Variants in NEDD4L observed in about 807,000 individuals in gnomAD.
The protein encoded by NEDD4L is E3 ubiquitin-protein ligase NEDD4-like.
In NEDD4L, 54 loss-of-function variants were observed where a neutral mutation model predicts 148.9. That is an observed-to-expected ratio of 0.36 (90% CI 0.29 to 0.45). The LOEUF is 0.45. Ranked by LOEUF, NEDD4L falls within the 20% of genes least tolerant of loss-of-function variation. NEDD4L has a pLI of 1.00. For missense variants in NEDD4L, 856 were observed against 1,233.8 expected (o/e 0.69, Z 4.59); for synonymous variants, 433 against 440.7 (o/e 0.98, Z 0.22).
intron 5 of NEDD4L, among the ~76,000 whole-genome samples, chr18:58,269,814 T>G (rs2050766767): frequency 1.3e-5 from 2 of 152,148 alleles, no homozygotes; most frequent in Non-Finnish European, 2.9e-5. Flanking sequence ...AAATCTATAT[T>G]GTGTTCACAT....
intron 30 of NEDD4L, among the ~76,000 whole-genome samples, chr18:58,393,566 A>T (rs2050104674): frequency 6.6e-6 from 1 of 152,202 alleles, no homozygotes; most frequent in Admixed American, 6.5e-5. Flanking sequence ...CCCCAGACTA[A>T]CTTGACCCGG....
At chr18:58,331,173 C>T (rs1399539411) in intron 11 of NEDD4L, among the ~76,000 whole-genome samples, 1 of 152,136 alleles carries the variant, frequency 6.6e-6, no homozygotes, top group Non-Finnish European at 1.5e-5. Flanking sequence ...ATAAAGAACT[C>T]AAAGAAGTAA....
At chr18:58,388,905 T>G (rs891118249) in intron 27 of NEDD4L, 180 bp from the exon 28 acceptor site, 1 of 620,076 alleles carries the variant, frequency 1.6e-6, no homozygotes, top group Non-Finnish European at 3.0e-6. Flanking sequence ...CTGCTGCCTC[T>G]GTGATCTGCT....
Position 58,210,527 on chromosome 18 carries a change from C to A in NEDD4L, c.123-34900C>A, listed in dbSNP as rs148028727. On this transcript the variant is annotated intron_variant, in intron 2 of 30. Coordinates refer to ENST00000400345, the MANE Select transcript of NEDD4L (RefSeq NM_001144967.3). ...GCAACGGTGCGATCTCGGCTCACTG[C>A]AACCTCCGCCTCCCAGGTTCAGGTG... 1.9e-3 allele frequency among the ~76,000 whole-genome samples: 296 copies of A among 152,298 alleles called. 8 individuals carry two copies. The East Asian group carries it at 0.049, about 25-fold the overall frequency.
intron 1 of NEDD4L, among the ~76,000 whole-genome samples, chr18:58,094,110 CCTT>C (rs1266439248): frequency 6.6e-6 from 1 of 152,122 alleles, no homozygotes; most frequent in East Asian, 1.9e-4. Context: ...CTTGCAAAGT[CCTT>C]CTCATCTGCC....
Position 58,256,177 on chromosome 18 carries a change from C to A in NEDD4L, c.297+4123C>A. Reference sequence around the variant, plus strand: ...GCCGCCGCGTGCGGTGCTCCGGCCCCGTGGACTGCGCGGAGGAGGCTGCCC... The same window carrying A: ...GCCGCCGCGTGCGGTGCTCCGGCCCAGTGGACTGCGCGGAGGAGGCTGCCC... On this transcript the variant is annotated intron_variant, in intron 5 of 30. Transcript: ENST00000400345. This position sits in a 1 kb window ranked among gnomAD's most constrained non-coding sequence, Gnocchi z 5.2. The A allele has an allele frequency of 8.2e-7, 1 of 1,217,338 alleles. No individual in the cohort carries two copies. Among genetic ancestry groups the A allele is most frequent in the Non-Finnish European group, 1.0e-6 (1 of 978,952 alleles). 75.4% of individuals were successfully genotyped at this position (1,217,338 alleles called of 1,614,324 possible).
rs1489454109 is a variant in NEDD4L, at chr18:58,341,687, G to C, written c.1267G>C (p.Asp423His). The C allele has an allele frequency of 6.2e-7, 1 of 1,613,172 alleles. No individual in the cohort carries two copies. Among genetic ancestry groups the C allele is most frequent in the Non-Finnish European group, 8.5e-7 (1 of 1,179,656 alleles). The change falls in exon 15 of 31, where the codon GAT becomes CAT. Residue 423 changes from aspartate to histidine, a missense_variant. Asp to His is a moderately conservative substitution (Grantham distance 81). This residue lies in a region of NEDD4L where 367 missense variants were observed against 422.7 expected (regional missense o/e 0.87). Coordinates refer to ENST00000400345, the MANE Select transcript of NEDD4L (RefSeq NM_001144967.3). ...TTTGCCTCCAAAATAGCTTGCAGAA[G>C]ATGGTGCGTCCGGATCAGCCACAAA... ...WTRPIMQLAEDGASGSATNSN... is the reference protein window; with the variant it reads ...WTRPIMQLAEHGASGSATNSN...
chr18:58,270,497 TTCTC>T (rs985435334), intron 5 of NEDD4L, among the ~76,000 whole-genome samples: 5 of 152,216 alleles, frequency 3.3e-5, no homozygotes, highest in African/African-American at 1.2e-4. Context: ...CTGTCTTTCA[TTCTC>T]TCTTAAGTAG....
chr18:58,234,102 T>TTCCTTTC (rs2045650619), intron 2 of NEDD4L, among the ~76,000 whole-genome samples: 1 of 76,928 alleles, frequency 1.3e-5, no homozygotes, highest in Admixed American at 1.3e-4. Flanking sequence ...TCTTTCTTTC[T>TTCCTTTC]TTTCTTTTCT....
At chr18:58,372,877 C>A (rs1186096968) in intron 23 of NEDD4L, among the ~76,000 whole-genome samples, 1 of 151,426 alleles carries the variant, frequency 6.6e-6, no homozygotes, top group African/African-American at 2.4e-5. Context: ...ATACTTATGT[C>A]TGTATGTTAA....
chr18:58,232,956 C>T (rs958037844), intron 2 of NEDD4L, among the ~76,000 whole-genome samples: 3 of 152,114 alleles, frequency 2.0e-5, no homozygotes, highest in Admixed American at 6.5e-5. Flanking sequence ...ATATTTTAAG[C>T]GTTCTTAGGG....
intron 1 of NEDD4L, among the ~76,000 whole-genome samples, chr18:58,113,675 C>T (rs562675986): frequency 4.9e-4 from 74 of 152,080 alleles, no homozygotes; most frequent in Middle Eastern, 6.8e-3. Context: ...GCCTTACGGA[C>T]GAGCTGATAA....
chr18:58,118,224 A>C (rs2085983345), intron 1 of NEDD4L, among the ~76,000 whole-genome samples: 1 of 152,254 alleles, frequency 6.6e-6, no homozygotes, highest in Admixed American at 6.5e-5. Flanking sequence ...CATGGTTATC[A>C]AGAGGCACAT....
At chr18:58,277,863 T>C (rs1004818347) in intron 5 of NEDD4L, among the ~76,000 whole-genome samples, 5 of 152,190 alleles carry the variant, frequency 3.3e-5, no homozygotes, top group African/African-American at 1.2e-4. Context: ...TCTCCATTGT[T>C]GTAATATCAT....
chr18:58,104,548 T>G (rs2084953362), intron 1 of NEDD4L, among the ~76,000 whole-genome samples: 1 of 151,964 alleles, frequency 6.6e-6, no homozygotes, highest in African/African-American at 2.4e-5. Flanking sequence ...AAAAGATGCT[T>G]CGCTTGTATA....
intron 1 of NEDD4L, among the ~76,000 whole-genome samples, chr18:58,053,379 G>A (rs918187338): frequency 2.0e-5 from 3 of 151,988 alleles, no homozygotes; most frequent in East Asian, 1.9e-4. Context: ...TGCAATCTCG[G>A]CTCACTGCAA....
At chr18:58,127,047 TG>T (rs1005167997) in intron 1 of NEDD4L, among the ~76,000 whole-genome samples, 4 of 152,212 alleles carry the variant, frequency 2.6e-5, no homozygotes, top group African/African-American at 9.6e-5. Context: ...GCTCGCGGCT[TG>T]GTCACCTTCT....
In NEDD4L at chr18:58,398,430, C is replaced by T. The variant is rs538098277; in HGVS notation, c.*2161C>T. On this transcript the variant is annotated 3_prime_UTR_variant, in exon 31 of 31. Transcript: ENST00000400345. ...AACCTAAGAACTGGGATTCTTCTGT[C>T]ATCTTGTAAACCGTATATTGAAAAA... is the stretch of plus-strand genomic sequence containing the variant. 6.4e-4 allele frequency: 98 copies of T among 152,110 alleles called. No individual in the cohort carries two copies. Among genetic ancestry groups the T allele is most frequent in the African/African-American group, 2.2e-3 (92 of 41,492 alleles). 9.4% of individuals were successfully genotyped at this position (152,110 alleles called of 1,614,324 possible).
intron 2 of NEDD4L, among the ~76,000 whole-genome samples, chr18:58,213,598 G>C (rs1260764306): frequency 1.3e-5 from 2 of 152,194 alleles, no homozygotes; most frequent in Admixed American, 6.5e-5. Flanking sequence ...ATGTGGAATG[G>C]TGGGAGAGTG....
Sources: gnomAD v4.1 joint callset for allele counts (sites outside exome capture counted in the v4.1 genomes callset) on GRCh38, gnomAD v4.1.1 for gene constraint, gnomAD v4.1.1 regional missense constraint, Gnocchi (gnomAD v3.1) non-coding constraint, MANE v1.5 for transcripts, NCBI Gene and HGNC (gene_info 2026-07-23, HGNC 2026-07-21) for gene names.